Variants in LEF1 observed in about 807,000 individuals in gnomAD.
LEF1 encodes lymphoid enhancer-binding factor 1.
Under a neutral mutation model 51.2 loss-of-function variants are expected in LEF1, and 14 were observed. The observed-to-expected ratio is 0.27, with a 90% confidence interval of 0.18 to 0.43. LEF1 has a LOEUF of 0.43. Ranked by LOEUF, LEF1 falls within the 20% of genes least tolerant of loss-of-function variation. The probability of loss-of-function intolerance (pLI) is 1.00; values close to 1 mark genes in which losing one functional copy is unlikely to be tolerated. For missense variants in LEF1, 386 were observed against 512.0 expected (o/e 0.75, Z 2.37); for synonymous variants, 185 against 183.2 (o/e 1.01, Z -0.08).
At chr4:108,059,708 T>A (rs1483250672) in intron 11 of LEF1, among the ~76,000 whole-genome samples, 1 of 152,090 alleles carries the variant, frequency 6.6e-6, no homozygotes, top group East Asian at 1.9e-4. Flanking sequence ...CTGGTTTGTT[T>A]TTTGCGTTTT....
chr4:108,163,521 C>A, intron 3 of LEF1, 47 bp downstream of exon 3: 4 of 1,587,096 alleles, frequency 2.5e-6, no homozygotes, highest in South Asian at 1.1e-5. Flanking sequence ...AAATACAAAT[C>A]AATTTGCACT....
chr4:108,117,315 AT>A (rs1027708650), intron 3 of LEF1, among the ~76,000 whole-genome samples: 142 of 152,318 alleles, frequency 9.3e-4, no homozygotes, highest in Middle Eastern at 6.8e-3. Flanking sequence ...TTTTACCGTG[AT>A]TAAATATTTT....
intron 1 of LEF1, 190 bp from the exon 2 acceptor site, chr4:108,165,353 G>A: frequency 1.9e-6 from 1 of 523,038 alleles, no homozygotes; most frequent in Non-Finnish European, 3.4e-6. Context: ...GTATTTTTGA[G>A]TGATTATTAT....
intron 4 of LEF1, among the ~76,000 whole-genome samples, chr4:108,083,982 G>T (rs1739481235): frequency 6.6e-6 from 1 of 152,162 alleles, no homozygotes; most frequent in African/African-American, 2.4e-5. Flanking sequence ...CATTTGATAT[G>T]ATTCATTTGG....
chr4:108,166,816 A>G (rs1051712486), intron 1 of LEF1: 1 of 985,796 alleles, frequency 1.0e-6, no homozygotes, highest in African/African-American at 1.7e-5. Flanking sequence ...TTTGTTTCCA[A>G]GTGATGGCGG....
At chr4:108,050,328 A>G (rs1239639988) in intron 11 of LEF1, among the ~76,000 whole-genome samples, 1 of 152,202 alleles carries the variant, frequency 6.6e-6, no homozygotes, top group Middle Eastern at 3.2e-3. Flanking sequence ...CAGTGAAGGG[A>G]CAAGAAGACT....
At chr4:108,077,044 A>AG (rs1738910043) in intron 8 of LEF1, among the ~76,000 whole-genome samples, 1 of 150,848 alleles carries the variant, frequency 6.6e-6, no homozygotes, top group Non-Finnish European at 1.5e-5. Context: ...AAAAAAAAAA[A>AG]GAATGATAAC....
intron 3 of LEF1, among the ~76,000 whole-genome samples, chr4:108,160,899 C>T (rs771777415): frequency 1.3e-5 from 2 of 152,060 alleles, no homozygotes; most frequent in Admixed American, 6.5e-5. Flanking sequence ...TCAGGTCCCT[C>T]CCCCACCCCA....
At chr4:108,082,314 C>A (rs1433905315) in intron 5 of LEF1, among the ~76,000 whole-genome samples, 3 of 152,078 alleles carry the variant, frequency 2.0e-5, no homozygotes, top group Admixed American at 2.0e-4. Context: ...AGGACTATTG[C>A]CCCTAAGTCA....
chr4:108,048,907 C>A, intron 11 of LEF1, 156 bp from the exon 12 acceptor site: 1 of 470,622 alleles, frequency 2.1e-6, no homozygotes, highest in Non-Finnish European at 3.6e-6. Flanking sequence ...CCCTATCAGT[C>A]AAAAATCCTG....
At chr4:108,107,910 ATCT>A (rs1300793006) in intron 3 of LEF1, among the ~76,000 whole-genome samples, 1 of 152,128 alleles carries the variant, frequency 6.6e-6, no homozygotes, top group African/African-American at 2.4e-5. Context: ...GCTTATACTG[ATCT>A]TCTAGATGCT....
intron 3 of LEF1, among the ~76,000 whole-genome samples, chr4:108,138,495 A>G (rs998406195): frequency 7.8e-6 from 1 of 127,972 alleles, no homozygotes; most frequent in Admixed American, 7.8e-5. Context: ...ACAGGTGTGT[A>G]TGTGTGTGTA....
At chr4:108,110,093 G>A (rs1304971427) in intron 3 of LEF1, among the ~76,000 whole-genome samples, 1 of 152,212 alleles carries the variant, frequency 6.6e-6, no homozygotes, top group Admixed American at 6.5e-5. Context: ...AGAGCACGAA[G>A]CCTCCAGTAG....
intron 3 of LEF1, among the ~76,000 whole-genome samples, chr4:108,157,148 TTCTC>T (rs141657105): frequency 0.1 from 12,177 of 117,232 alleles, 777 homozygotes; most frequent in Non-Finnish European, 0.15. Flanking sequence ...TACCTCTTCA[TTCTC>T]TCTCTCTCTC....
chr4:108,109,583 G>C lies in LEF1; in HGVS notation c.415-20326C>G, dbSNP rs916524878. ...TAATATTTGCAAACCACTTAGAACA[G>C]CATCTGGCACATAGCAAGTACTATG... is the stretch of plus-strand genomic sequence containing the variant. On this transcript the variant is annotated intron_variant, in intron 3 of 11. Transcript: ENST00000265165. 3.3e-5 allele frequency among the ~76,000 whole-genome samples: 5 copies of C among 152,186 alleles called. No individual in the cohort carries two copies. In the South Asian group the frequency reaches 1.0e-3, roughly 32 times the overall value.
At chr4:108,109,068 C>T (rs1012007462) in intron 3 of LEF1, among the ~76,000 whole-genome samples, 5 of 152,158 alleles carry the variant, frequency 3.3e-5, no homozygotes, top group African/African-American at 9.7e-5. Flanking sequence ...AACAAAGGAG[C>T]TTGGCAGACA....
chr4:108,076,463 G>C (rs1315099496), intron 8 of LEF1, among the ~76,000 whole-genome samples: 1 of 152,112 alleles, frequency 6.6e-6, no homozygotes, highest in Non-Finnish European at 1.5e-5. Context: ...CCGCCTCCCA[G>C]GTTCAAGTGA....
At chr4:108,140,905 G>A (rs1013577083) in intron 3 of LEF1, among the ~76,000 whole-genome samples, 2 of 152,062 alleles carry the variant, frequency 1.3e-5, no homozygotes, top group African/African-American at 2.4e-5. Flanking sequence ...AAGGGAAGAT[G>A]GTACAACTGA....
chr4:108,051,567 C>T (rs549842201), intron 11 of LEF1, among the ~76,000 whole-genome samples: 35 of 152,296 alleles, frequency 2.3e-4, no homozygotes, highest in African/African-American at 8.4e-4. Context: ...GTGAAGTCTG[C>T]GCAATCAAAG....
Sources: gnomAD v4.1 joint callset for allele counts (sites outside exome capture counted in the v4.1 genomes callset) on GRCh38, gnomAD v4.1.1 for gene constraint, MANE v1.5 for transcripts, NCBI Gene and HGNC (gene_info 2026-07-23, HGNC 2026-07-21) for gene names.